PANK4: variants seen among roughly 807,000 people sequenced by gnomAD.
PANK4 encodes the protein pantothenate kinase 4 (inactive), also known as 4'-phosphopantetheine phosphatase.
In PANK4, 40 loss-of-function variants were observed where a neutral mutation model predicts 87.9. The ratio of observed to expected loss-of-function variants is 0.46; its 90% CI spans 0.35 to 0.59. The LOEUF is 0.59. Among genes scored for constraint, PANK4 ranks in the 20% least tolerant of loss-of-function variants. The pLI is 0.00. For synonymous variants in PANK4, 524 were observed against 467.4 expected, an observed-to-expected ratio of 1.12 and a Z score of -1.56; for missense variants, 926 against 1,072.3, an observed-to-expected ratio of 0.86 and a Z score of 1.90.
intron 1 of PANK4, chr1:2,525,985 G>A (rs374655121): frequency 6.6e-6 from 1 of 152,232 alleles, no homozygotes; most frequent in African/African-American, 2.4e-5. Flanking sequence ...CGGCCTTTTC[G>A]GGGCCACTCT....
Position 2,526,581 on chromosome 1 carries a change from C to T in PANK4, c.7G>A (p.Glu3Lys). 3.7e-6 allele frequency: 6 copies of T among 1,601,124 alleles called. No individual in the cohort carries two copies. Among genetic ancestry groups the T allele is most frequent in the Non-Finnish European group, 5.1e-6 (6 of 1,174,472 alleles). ...CTCCCGCTGCCGCTCGCTCCACACT[C>T]CGCCATTTTGAAAGTGCCCGGCCAG... MA[E>K]CGASGSGSSG... Residue 3 changes from glutamate to lysine, a missense_variant, in exon 1 of 19, where the codon GAG becomes AAG. Coordinates refer to ENST00000378466, the MANE Select transcript of PANK4 (RefSeq NM_018216.4).
chr1:2,510,584 G>T lies in PANK4; in HGVS notation c.1938+94C>A, dbSNP rs1643644577. ...GCACCTACCTGCTGCGTCCGGAGGA[G>T]CCCCGACCACCGCCAGAGGCCCACA... On this transcript the variant is annotated intron_variant, in intron 16 of 18. Coordinates refer to ENST00000378466, the MANE Select transcript of PANK4 (RefSeq NM_018216.4). This position sits in a 1 kb window ranked among gnomAD's most constrained non-coding sequence, Gnocchi z 4.9. 1.4e-5 allele frequency: 11 copies of T among 765,776 alleles called. No homozygotes were observed. The highest frequency in any genetic ancestry group is 1.2e-4 in the South Asian group (8 of 67,138). 47.4% of individuals were successfully genotyped at this position (765,776 alleles called of 1,614,324 possible). A position where few individuals can be genotyped will look rare whatever the true frequency, so the allele number is the denominator to read the frequency against.
In PANK4 at chr1:2,519,351, A is replaced by G. The variant is rs2100787757; in HGVS notation, c.854-27T>C. The G allele has an allele frequency of 6.4e-7, 1 of 1,551,294 alleles. No homozygotes were observed. The highest frequency in any genetic ancestry group is 1.4e-5 in the African/African-American group (1 of 72,904). The stretch of plus-strand genomic sequence containing the variant: ...TGAGGAAGGGAAGGAAAAGGCACTC[A>G]TCTCCAAGTACAGCAAGTGCACGAC... On this transcript the variant is annotated intron_variant, in intron 6 of 18. Coordinates refer to ENST00000378466, the MANE Select transcript of PANK4 (RefSeq NM_018216.4). This position sits in a 1 kb window ranked among gnomAD's most constrained non-coding sequence, Gnocchi z 8.3.
chr1:2,515,533 A>G lies in PANK4; in HGVS notation c.1374+29T>C, dbSNP rs1643754439. On this transcript the variant is annotated intron_variant, in intron 10 of 18. Coordinates refer to ENST00000378466, the MANE Select transcript of PANK4 (RefSeq NM_018216.4). This position sits in a 1 kb window ranked among gnomAD's most constrained non-coding sequence, Gnocchi z 5.0. ...AGGTTAACCCGGCTGCGGCCTTGGA[A>G]TCGTCTAGACGGCACCCGGAGCCCT... The G allele has an allele frequency of 5.0e-6, 8 of 1,608,448 alleles. No homozygotes were observed. In the South Asian group the frequency reaches 8.8e-5, roughly 18 times the overall value.
At chr1:2,522,225 G>A (rs982764248) in intron 1 of PANK4, among the ~76,000 whole-genome samples, 3 of 152,182 alleles carry the variant, frequency 2.0e-5, no homozygotes, top group Non-Finnish European at 2.9e-5. Context: ...ACCCTCGACC[G>A]TCCCTGCTTA....
At position 2,514,160 on chromosome 1, in the gene PANK4, G is replaced by C. The variant is rs942899846; in HGVS notation, c.1488-71C>G. On this transcript the variant is annotated intron_variant, in intron 11 of 18. Coordinates refer to ENST00000378466, the MANE Select transcript of PANK4 (RefSeq NM_018216.4). ...ACCCGCCCGTCTGCCATCCTCGGCT[G>C]TGCCACGGACGTCCTCAGGAGCCCG... The C allele has an allele frequency of 1.2e-5, 17 of 1,370,732 alleles. No homozygotes were observed. The African/African-American group carries it at 2.3e-4, about 18-fold the overall frequency. The allele number at this position is 1,370,732 out of a possible 1,614,324, so 84.9% of individuals were successfully genotyped here.
intron 9 of PANK4, among the ~76,000 whole-genome samples, chr1:2,517,006 G>A (rs1171346430): frequency 6.6e-6 from 1 of 152,252 alleles, no homozygotes; most frequent in Admixed American, 6.5e-5. Context: ...AGCGCCTCCT[G>A]AACGGGGCCC....
chr1:2,520,606 C>A lies in PANK4; in HGVS notation c.606+117G>T, dbSNP rs1275163502. ...GGCTCTGAGCTCACAGCCTCGCCAC[C>A]CCCCTCCCGCCCACTGGGCCCCATC... On this transcript the variant is annotated intron_variant, in intron 4 of 18. Transcript: ENST00000378466. The surrounding 1 kb of genome is among the most constrained non-coding windows in gnomAD (Gnocchi z 6.2). 8.8e-7 allele frequency: 1 copy of A among 1,137,294 alleles called. No individual in the cohort carries two copies. The highest frequency in any genetic ancestry group is 1.3e-6 in the Non-Finnish European group (1 of 777,222). The allele number at this position is 1,137,294 out of a possible 1,614,324, so 70.5% of individuals were successfully genotyped here. A position where few individuals can be genotyped will look rare whatever the true frequency, so the allele number is the denominator to read the frequency against.
chr1:2,518,137 C>T lies in PANK4; in HGVS notation c.1218+27G>A, dbSNP rs373959820. The T allele has an allele frequency of 3.8e-5, 56 of 1,479,426 alleles. 2 individuals are homozygous for T. Among genetic ancestry groups the T allele is most frequent in the South Asian group, 1.6e-4 (14 of 85,096 alleles). The allele number at this position is 1,479,426 out of a possible 1,614,324, so 91.6% of individuals were successfully genotyped here. A position where few individuals can be genotyped will look rare whatever the true frequency, so the allele number is the denominator to read the frequency against. Reference sequence around the variant, plus strand: ...GCGGCATAGGCTGCTCCCCTGGGGCCCGGGGCGGCCAGAGCCCACTACTCA... The same window carrying T: ...GCGGCATAGGCTGCTCCCCTGGGGCTCGGGGCGGCCAGAGCCCACTACTCA... On this transcript the variant is annotated intron_variant, in intron 9 of 18. Transcript: ENST00000378466.
At chr1:2,516,717 G>A (rs968968814) in intron 9 of PANK4, among the ~76,000 whole-genome samples, 4 of 152,220 alleles carry the variant, frequency 2.6e-5, no homozygotes, top group Non-Finnish European at 5.9e-5. Context: ...AGCTCCACGT[G>A]GAAAAAGCCA....
intron 1 of PANK4, 190 bp from the exon 2 acceptor site, chr1:2,521,990 T>C: frequency 1.7e-6 from 1 of 592,908 alleles, no homozygotes; most frequent in African/African-American, 1.9e-5. Context: ...AAATCTACAC[T>C]TTTCTTTCTC....
rs1643866962 is a variant in PANK4 at position 2,520,610 on chromosome 1, C to CT, written c.606+112dup. The CT allele has an allele frequency of 8.6e-6, 10 of 1,161,368 alleles. No homozygotes were observed. Among genetic ancestry groups the CT allele is most frequent in the African/African-American group, 1.5e-5 (1 of 65,246 alleles). The allele number at this position is 1,161,368 out of a possible 1,614,324, so 71.9% of individuals were successfully genotyped here. Reference sequence around the variant, plus strand: ...CTGAGCTCACAGCCTCGCCACCCCCCTCCCGCCCACTGGGCCCCATCCATG... The same window carrying CT: ...CTGAGCTCACAGCCTCGCCACCCCCCTTCCCGCCCACTGGGCCCCATCCATG... On this transcript the variant is annotated intron_variant, in intron 4 of 18. Transcript: ENST00000378466. The surrounding 1 kb of genome is among the most constrained non-coding windows in gnomAD (Gnocchi z 6.2).
chr1:2,521,584 T>C (rs758751201), intron 2 of PANK4, 134 bp downstream of exon 2: 120 of 811,948 alleles, frequency 1.5e-4, no homozygotes, highest in Admixed American at 2.4e-4. Flanking sequence ...CAGGGGAGGC[T>C]GTCCCTGCTA....
At chr1:2,517,505 G>A (rs950343731) in intron 9 of PANK4, among the ~76,000 whole-genome samples, 1 of 152,250 alleles carries the variant, frequency 6.6e-6, no homozygotes, top group Non-Finnish European at 1.5e-5. Flanking sequence ...GGGCACGGTC[G>A]AGGACCCTGA....
chr1:2,513,077 G>A (rs779943087), intron 12 of PANK4, 38 bp from the exon 13 acceptor site: 2 of 1,555,750 alleles, frequency 1.3e-6, no homozygotes, highest in South Asian at 1.2e-5. Flanking sequence ...GAGTGAAGAC[G>A]TGGCCTCAGC....
intron 13 of PANK4, 158 bp downstream of exon 13, chr1:2,512,730 C>T: frequency 1.4e-6 from 1 of 708,928 alleles, no homozygotes; most frequent in South Asian, 1.7e-5. Context: ...CCTGGCGCTG[C>T]TGCCATGTGC....
rs111946660 is a variant in PANK4, at chr1:2,514,720, G to C, written c.1375-254C>G. Among the ~76,000 whole-genome samples the C allele has an allele frequency of 2.4e-4, 36 of 150,768 alleles. 1 individual carries two copies. Among genetic ancestry groups the C allele is most frequent in the African/African-American group, 8.8e-4 (36 of 40,994 alleles). Reference sequence around the variant, plus strand: ...GCCTGCTGTGGGGGACTCGGGCAGGGTGGGGGCTGCCTGGGCTGTGGTCAG... The same window carrying C: ...GCCTGCTGTGGGGGACTCGGGCAGGCTGGGGGCTGCCTGGGCTGTGGTCAG... On this transcript the variant is annotated intron_variant, in intron 10 of 18. Coordinates refer to ENST00000378466, the MANE Select transcript of PANK4 (RefSeq NM_018216.4).
Position 2,526,450 on chromosome 1 carries a change from C to T in PANK4, c.124+14G>A, listed in dbSNP as rs201724126. On this transcript the variant is annotated intron_variant, in intron 1 of 18. Coordinates refer to ENST00000378466, the MANE Select transcript of PANK4 (RefSeq NM_018216.4). ...GCCCCCGCAGCCCGCGCCCGGCGCC[C>T]GGCCTGCGGCTACCTATGTCGATGG... 24 of 1,413,054 alleles carry T rather than the reference C, an allele frequency of 1.7e-5. No homozygotes were observed. The Admixed American group carries it at 4.6e-4, about 27-fold the overall frequency. 87.5% of individuals were successfully genotyped at this position (1,413,054 alleles called of 1,614,324 possible).
chr1:2,516,241 T>C (rs1643773467), intron 9 of PANK4, among the ~76,000 whole-genome samples: 1 of 151,508 alleles, frequency 6.6e-6, no homozygotes, highest in Non-Finnish European at 1.5e-5. Context: ...GGGCAGGGAG[T>C]CCCCACGCCC....
Sources: allele counts gnomAD v4.1 joint callset (sites outside exome capture counted in the v4.1 genomes callset), GRCh38; gene constraint gnomAD v4.1.1; non-coding constraint Gnocchi (gnomAD v3.1); transcripts MANE v1.5; gene names NCBI Gene and HGNC (gene_info 2026-07-23, HGNC 2026-07-21).